The following CFAP46 variants were observed in gnomAD, a reference collection of about 807,000 sequenced individuals.
CFAP46 encodes the protein cilia- and flagella-associated protein 46.
CFAP46 carries 245 observed loss-of-function variants against 325.7 expected under a neutral mutation model. That is an observed-to-expected ratio of 0.75 (90% CI 0.68 to 0.84). The LOEUF (loss-of-function observed/expected upper bound fraction) is 0.84, where lower values mean the gene tolerates loss of function less well. CFAP46 is among the 40% of genes least tolerant of loss of function. The pLI, the probability that CFAP46 is intolerant of heterozygous loss-of-function variation, is 0.00. For synonymous variants in CFAP46, 1,523 were observed against 1,495.9 expected (o/e 1.02, Z -0.42); for missense variants, 3,346 against 3,543.0 (o/e 0.94, Z 1.41).
At position 132,869,542 on chromosome 10, in the gene CFAP46, G is replaced by T. The variant is rs1048985660; in HGVS notation, c.4512-170C>A. On this transcript the variant is annotated intron_variant, in intron 32 of 57. Transcript: ENST00000368586. The surrounding 1 kb of genome is among the most constrained non-coding windows in gnomAD (Gnocchi z 6.2). ...GCGAAATTACTAGGGAAAAGTGCCC[G>T]GTAGCTCCATCAAATTTCAAGTGGG... Among the ~76,000 whole-genome samples the T allele has an allele frequency of 6.6e-6, 1 of 152,160 alleles. No individual in the cohort carries two copies. Among genetic ancestry groups the T allele is most frequent in the African/African-American group, 2.4e-5 (1 of 41,434 alleles).
intron 41 of CFAP46, among the ~76,000 whole-genome samples, chr10:132,848,899 G>T (rs1030699625): frequency 6.6e-6 from 1 of 152,174 alleles, no homozygotes; most frequent in Non-Finnish European, 1.5e-5. Flanking sequence ...AGACCGTGTC[G>T]ATCCTACGTA....
chr10:132,823,373 G>C (rs1327264305), intron 50 of CFAP46, among the ~76,000 whole-genome samples: 3 of 131,666 alleles, frequency 2.3e-5, no homozygotes, highest in Non-Finnish European at 4.8e-5. Context: ...TGTGTGCTGT[G>C]TGCTGTGTGT....
intron 8 of CFAP46, among the ~76,000 whole-genome samples, chr10:132,932,679 C>T (rs1849931499): frequency 7.1e-6 from 1 of 140,554 alleles, no homozygotes; most frequent in South Asian, 2.2e-4. Flanking sequence ...AGCCCGTAGG[C>T]GTGCCGCCAA....
At chr10:132,918,889 G>A (rs763785240) in intron 15 of CFAP46, among the ~76,000 whole-genome samples, 3 of 152,272 alleles carry the variant, frequency 2.0e-5, no homozygotes, top group African/African-American at 4.8e-5. Flanking sequence ...CACCTCCCTC[G>A]TCCCTCCGGG....
chr10:132,814,291 T>C, intron 53 of CFAP46, 37 bp from the exon 54 acceptor site: 1 of 1,543,302 alleles, frequency 6.5e-7, no homozygotes, highest in Admixed American at 1.7e-5. Flanking sequence ...ACCACGGTGT[T>C]TCATCAGACA....
intron 41 of CFAP46, among the ~76,000 whole-genome samples, chr10:132,849,074 C>T (rs1207968400): frequency 1.3e-5 from 2 of 152,230 alleles, no homozygotes; most frequent in Non-Finnish European, 2.9e-5. Context: ...GCCTGGCCTG[C>T]ATGGGGCGGG....
rs1042101237 is a variant in CFAP46, at chr10:132,860,838, T to C, written c.5035A>G (p.Thr1679Ala). The C allele has an allele frequency of 2.0e-5, 31 of 1,550,774 alleles. No individual in the cohort carries two copies. The highest frequency in any genetic ancestry group is 9.6e-5 in the African/African-American group (7 of 72,946). ...GGSEEFWYNSTLTLAEALLSM... is the reference protein window; with the variant it reads ...GGSEEFWYNSALTLAEALLSM... ...AAGAGCGCCTCTGCCAGGGTCAGAGTGGAATTGTACCAGAACTCCTCACTT... is the reference window on the plus strand; with the variant it reads ...AAGAGCGCCTCTGCCAGGGTCAGAGCGGAATTGTACCAGAACTCCTCACTT... Residue 1679 changes from threonine (T) to alanine (A), a missense_variant, in exon 36 of 58, where the codon ACT (threonine) becomes GCT (alanine). Transcript: ENST00000368586.
In CFAP46 at chr10:132,889,462, G is replaced by A. The variant is rs73393254; in HGVS notation, c.3304+2871C>T. On this transcript the variant is annotated intron_variant, in intron 25 of 57. Transcript: ENST00000368586. The surrounding 1 kb of genome is among the most constrained non-coding windows in gnomAD (Gnocchi z 6.0). ...TCACCCAGGCACTGGCCAGAGAAGC[G>A]GGTCTGCGTCTGAAACTTGGGAACC... Among the ~76,000 whole-genome samples the A allele has an allele frequency of 0.094, 14,260 of 152,156 alleles. 1,856 individuals are homozygous for A. Among genetic ancestry groups the A allele is most frequent in the African/African-American group, 0.29 (12,019 of 41,462 alleles).
intron 22 of CFAP46, among the ~76,000 whole-genome samples, chr10:132,904,611 C>T (rs1224502591): frequency 6.6e-6 from 1 of 152,232 alleles, no homozygotes; most frequent in African/African-American, 2.4e-5. Flanking sequence ...CCAGGGCGCC[C>T]AGCCCCCACA....
At chr10:132,875,025 C>T (rs1341222631) in intron 31 of CFAP46, among the ~76,000 whole-genome samples, 2 of 152,170 alleles carry the variant, frequency 1.3e-5, no homozygotes, top group Admixed American at 6.5e-5. Flanking sequence ...AAATAATCTA[C>T]AGACAAATTA....
intron 38 of CFAP46, 142 bp downstream of exon 38, chr10:132,858,929 G>A (rs1021924327): frequency 1.7e-5 from 14 of 828,502 alleles, no homozygotes; most frequent in South Asian, 1.5e-4. Context: ...GGCGGCAGCC[G>A]AGAGCTTCCC....
intron 43 of CFAP46, 32 bp downstream of exon 43, chr10:132,846,900 C>A (rs763979384): frequency 1.9e-6 from 3 of 1,584,238 alleles, no homozygotes; most frequent in Admixed American, 3.5e-5. Flanking sequence ...CCATGAAGGG[C>A]CTGGCTGGAG....
At chr10:132,880,376 A>T (rs1296559889) in intron 28 of CFAP46, among the ~76,000 whole-genome samples, 3 of 152,166 alleles carry the variant, frequency 2.0e-5, no homozygotes, top group Non-Finnish European at 4.4e-5. Context: ...TGCTGTGAGC[A>T]GGGGCTGGGT....
intron 44 of CFAP46, among the ~76,000 whole-genome samples, chr10:132,839,959 A>G (rs1305204829): frequency 6.6e-6 from 1 of 152,182 alleles, no homozygotes; most frequent in Admixed American, 6.5e-5. Context: ...GTCCCTGCTA[A>G]GTTTCTAGTG....
At chr10:132,906,235 G>A (rs1849454428) in intron 22 of CFAP46, among the ~76,000 whole-genome samples, 1 of 152,248 alleles carries the variant, frequency 6.6e-6, no homozygotes, top group African/African-American at 2.4e-5. Context: ...CAGGGTCCCA[G>A]GTGCACAGCT....
intron 16 of CFAP46, among the ~76,000 whole-genome samples, chr10:132,917,559 G>A (rs1330412302): frequency 9.9e-5 from 15 of 152,192 alleles, no homozygotes; most frequent in Admixed American, 9.8e-4. Context: ...AAATGCCGAG[G>A]TACCATCTCC....
intron 29 of CFAP46, 68 bp downstream of exon 29, chr10:132,879,358 G>T (rs549974378): frequency 5.7e-6 from 8 of 1,392,606 alleles, no homozygotes; most frequent in Middle Eastern, 2.4e-4. Context: ...CGCTCACTGC[G>T]GTTTCCCCAG....
At position 132,808,484 on chromosome 10, in the gene CFAP46, C is replaced by T. The variant is rs376118577; in HGVS notation, c.8085G>A (p.Ala2695=). The stretch of plus-strand genomic sequence containing the variant: ...GGTCTAAGCAACTCAGCACCAGCGC[C>T]GCCAAGGGGAGGCCGCCCTTGTCCT... ...RGQDKGGLPL[A]ALVLSCLDQK... Residue 2695 remains alanine, a synonymous_variant, in exon 58 of 58, where the codon GCG becomes GCA. Coordinates refer to ENST00000368586, the MANE Select transcript of CFAP46 (RefSeq NM_001200049.3). The surrounding 1 kb of genome is among the most constrained non-coding windows in gnomAD (Gnocchi z 6.8). 3.7e-5 allele frequency: 59 copies of T among 1,613,292 alleles called. No homozygotes were observed. Among genetic ancestry groups the T allele is most frequent in the Admixed American group, 1.0e-4 (6 of 60,024 alleles).
In CFAP46 at chr10:132,859,817, C is replaced by T. The variant is rs576780564; in HGVS notation, c.5199-570G>A. Among the ~76,000 whole-genome samples the T allele has an allele frequency of 2.0e-5, 3 of 152,310 alleles. No homozygotes were observed. The South Asian group carries it at 6.2e-4, about 32-fold the overall frequency. ...GCCAGCTCCTTGAAAAGGTCTGCTGCGTTGGAGCCTGTGATTCTGATTTAG... is the reference window on the plus strand; with the variant it reads ...GCCAGCTCCTTGAAAAGGTCTGCTGTGTTGGAGCCTGTGATTCTGATTTAG... On this transcript the variant is annotated intron_variant, in intron 37 of 57. Coordinates refer to ENST00000368586, the MANE Select transcript of CFAP46 (RefSeq NM_001200049.3).
Sources: gnomAD v4.1 joint callset for allele counts (sites outside exome capture counted in the v4.1 genomes callset) on GRCh38, gnomAD v4.1.1 for gene constraint, Gnocchi (gnomAD v3.1) non-coding constraint, MANE v1.5 for transcripts, NCBI Gene and HGNC (gene_info 2026-07-23, HGNC 2026-07-21) for gene names.